Variants in ZBED3 observed in about 807,000 individuals in gnomAD.
ZBED3 encodes zinc finger BED domain-containing protein 3.
For missense variants in ZBED3, 388 were observed against 362.9 expected, an observed-to-expected ratio of 1.07 and a Z score of -0.56; for synonymous variants, 175 against 180.0, an observed-to-expected ratio of 0.97 and a Z score of 0.22.
Position 77,076,977 on chromosome 5 carries a change from T to G in ZBED3, c.*197A>C. On this transcript the variant is annotated 3_prime_UTR_variant, in exon 3 of 3. Transcript: ENST00000255198. ...CCCCCGGTGACCCCATGGAAGTGAG[T>G]TTTGGTTCTGCTCTGGCTTCGAAGT... is the stretch of plus-strand genomic sequence containing the variant. 3 of 404,694 alleles carry G rather than the reference T, an allele frequency of 7.4e-6. No homozygotes were observed. Among genetic ancestry groups the G allele is most frequent in the East Asian group, 3.9e-5 (1 of 25,676 alleles). The allele number at this position is 404,694 out of a possible 1,614,324, so 25.1% of individuals were successfully genotyped here. A position where few individuals can be genotyped will look rare whatever the true frequency, so the allele number is the denominator to read the frequency against.
In ZBED3 at chr5:77,075,311, G is replaced by GA. The variant is rs1742953927; in HGVS notation, c.*1862dup. The GA allele has an allele frequency of 6.6e-6, 1 of 152,214 alleles. No individual in the cohort carries two copies. The allele number at this position is 152,214 out of a possible 1,614,324, so 9.4% of individuals were successfully genotyped here. On this transcript the variant is annotated 3_prime_UTR_variant, in exon 3 of 3. Coordinates refer to ENST00000255198, the MANE Select transcript of ZBED3 (RefSeq NM_032367.4). ...AAATATGTTGGGGTTGTTGTAGACTGAAAGTGACTAGAGTTGAAACCAAAA... is the reference window on the plus strand; with the variant it reads ...AAATATGTTGGGGTTGTTGTAGACTGAAAAGTGACTAGAGTTGAAACCAAAA...
In ZBED3 at chr5:77,073,834, G is replaced by A. The variant is rs1742925946; in HGVS notation, c.*3340C>T. The A allele has an allele frequency of 6.6e-6, 1 of 152,196 alleles. No individual in the cohort carries two copies. The highest frequency in any genetic ancestry group is 1.5e-5 in the Non-Finnish European group (1 of 68,038). 9.4% of individuals were successfully genotyped at this position (152,196 alleles called of 1,614,324 possible). A position where few individuals can be genotyped will look rare whatever the true frequency, so the allele number is the denominator to read the frequency against. ...GGAATGCAAGGCACTGTAGGAGTAG[G>A]GTGAGTATACTCCCCACAAGGGCTC... On this transcript the variant is annotated 3_prime_UTR_variant, in exon 3 of 3. Transcript: ENST00000255198.
rs1473478034 is a variant in ZBED3 at position 77,073,720 on chromosome 5, G to A, written c.*3454C>T. 1 of 152,134 alleles carries A rather than the reference G, an allele frequency of 6.6e-6. No homozygotes were observed. Among genetic ancestry groups the A allele is most frequent in the African/African-American group, 2.4e-5 (1 of 41,430 alleles). The allele number at this position is 152,134 out of a possible 1,614,324, so 9.4% of individuals were successfully genotyped here. ...TATTTGTTGTTGTGAATTTTACTCA[G>A]AATTAAAGATAAATGATTAGTAATT... On this transcript the variant is annotated 3_prime_UTR_variant, in exon 3 of 3. Transcript: ENST00000255198.
chr5:77,085,519 T>C (rs1242891589), intron 1 of ZBED3, among the ~76,000 whole-genome samples: 1 of 152,244 alleles, frequency 6.6e-6, no homozygotes, highest in African/African-American at 2.4e-5. Context: ...AATCAATATA[T>C]GTTGGTTGAG....
Position 77,077,528 on chromosome 5 carries a change from C to T in ZBED3, c.351G>A (p.Pro117=). ...GSSPPAAPCP[P]PPGPAAAPEG... ...CGGGGGCCGCAGCGGGGCCGGGCGG[C>T]GGCGGGCAGGGCGCGGCAGGTGGGG... is the stretch of plus-strand genomic sequence containing the variant. The change falls in exon 3 of 3, where the codon CCG becomes CCA. Residue 117 remains proline, a synonymous_variant. Coordinates refer to ENST00000255198, the MANE Select transcript of ZBED3 (RefSeq NM_032367.4). 1 of 1,208,836 alleles carries T rather than the reference C, an allele frequency of 8.3e-7. No homozygotes were observed. The highest frequency in any genetic ancestry group is 1.0e-6 in the Non-Finnish European group (1 of 976,154). The allele number at this position is 1,208,836 out of a possible 1,614,324, so 74.9% of individuals were successfully genotyped here. A position where few individuals can be genotyped will look rare whatever the true frequency, so the allele number is the denominator to read the frequency against.
Position 77,077,746 on chromosome 5 carries a change from A to G in ZBED3, c.133T>C (p.Tyr45His), listed in dbSNP as rs1455256601. The G allele has an allele frequency of 5.3e-6, 7 of 1,331,046 alleles. No homozygotes were observed. In the Admixed American group the frequency reaches 2.2e-4, roughly 42 times the overall value. 82.5% of individuals were successfully genotyped at this position (1,331,046 alleles called of 1,614,324 possible). ...TGGAAGTAGCCCCAGGCCTCGGAGT[A>G]TGGCGCCCCCAGGCGGCCGGGAGGC... ...PTPPGRLGAP[Y>H]SEAWGYFHLA... is the part of the protein sequence containing the mutation. The change falls in exon 3 of 3, where the codon TAC (tyrosine) becomes CAC (histidine). Residue 45 changes from tyrosine (Y) to histidine (H), a missense_variant. Tyr to His is a moderately conservative substitution (Grantham distance 83). Transcript: ENST00000255198.
At chr5:77,084,551 GT>G (rs1397203197) in intron 1 of ZBED3, among the ~76,000 whole-genome samples, 9 of 152,178 alleles carry the variant, frequency 5.9e-5, no homozygotes, top group Non-Finnish European at 1.2e-4. Context: ...AAATTGCCCA[GT>G]CTTGGGTATG....
rs1350712707 is a variant in ZBED3, at chr5:77,072,381, T to TGGTAGATG, written c.*4792_*4793insCATCTACC. 2 of 152,198 alleles carry TGGTAGATG rather than the reference T, an allele frequency of 1.3e-5. No individual in the cohort carries two copies. The highest frequency in any genetic ancestry group is 2.9e-5 in the Non-Finnish European group (2 of 68,036). The allele number at this position is 152,198 out of a possible 1,614,324, so 9.4% of individuals were successfully genotyped here. ...TGTTAATCTGGTTAATCATCTACCA[T>TGGTAGATG]ATTCACCAGACTGAATAATTGGCAG... is the stretch of plus-strand genomic sequence containing the variant. On this transcript the variant is annotated 3_prime_UTR_variant, in exon 3 of 3. Coordinates refer to ENST00000255198, the MANE Select transcript of ZBED3 (RefSeq NM_032367.4).
chr5:77,073,816 A>AGCTGTAGGAGT lies in ZBED3; in HGVS notation c.*3357_*3358insACTCCTACAGC, dbSNP rs1742925456. On this transcript the variant is annotated 3_prime_UTR_variant, in exon 3 of 3. Transcript: ENST00000255198. ...AATGTACTGAGCAGCTACGGAATGC[A>AGCTGTAGGAGT]AGGCACTGTAGGAGTAGGGTGAGTA... is the stretch of plus-strand genomic sequence containing the variant. The AGCTGTAGGAGT allele has an allele frequency of 6.6e-6, 1 of 152,236 alleles. No homozygotes were observed. The highest frequency in any genetic ancestry group is 1.5e-5 in the Non-Finnish European group (1 of 68,050). The allele number at this position is 152,236 out of a possible 1,614,324, so 9.4% of individuals were successfully genotyped here. A position where few individuals can be genotyped will look rare whatever the true frequency, so the allele number is the denominator to read the frequency against.
intron 1 of ZBED3, among the ~76,000 whole-genome samples, chr5:77,084,220 AC>A (rs953079837): frequency 5.3e-5 from 8 of 152,204 alleles, no homozygotes; most frequent in African/African-American, 1.9e-4. Flanking sequence ...TAATTCTGAT[AC>A]CTGTGTGATA....
chr5:77,081,105 T>C lies in ZBED3; in HGVS notation c.-152-2377A>G, dbSNP rs1220963518. 2.6e-5 allele frequency among the ~76,000 whole-genome samples: 4 copies of C among 152,070 alleles called. No homozygotes were observed. The East Asian group carries it at 7.7e-4, about 29-fold the overall frequency. On this transcript the variant is annotated intron_variant, in intron 1 of 2. Coordinates refer to ENST00000255198, the MANE Select transcript of ZBED3 (RefSeq NM_032367.4). Reference sequence around the variant, plus strand: ...GAGAAATATGAGTAGGCAAATGACCTAACAGCTCCACTGGCCAGGAAATTT... The same window carrying C: ...GAGAAATATGAGTAGGCAAATGACCCAACAGCTCCACTGGCCAGGAAATTT...
In ZBED3 at chr5:77,073,882, A is replaced by AT. The variant is rs1742927131; in HGVS notation, c.*3291dup. 4 of 152,356 alleles carry AT rather than the reference A, an allele frequency of 2.6e-5. No individual in the cohort carries two copies. In the South Asian group the frequency reaches 8.3e-4, roughly 32 times the overall value. The allele number at this position is 152,356 out of a possible 1,614,324, so 9.4% of individuals were successfully genotyped here. A position where few individuals can be genotyped will look rare whatever the true frequency, so the allele number is the denominator to read the frequency against. ...CTCAGGGTCAGGCAGGGGAGGTGAG[A>AT]TAAAAACCCACAGCCATACACTAGC... is the stretch of plus-strand genomic sequence containing the variant. On this transcript the variant is annotated 3_prime_UTR_variant, in exon 3 of 3. Transcript: ENST00000255198.
intron 2 of ZBED3, among the ~76,000 whole-genome samples, chr5:77,078,348 C>G (rs939931027): frequency 1.7e-4 from 26 of 152,214 alleles, no homozygotes; most frequent in African/African-American, 5.1e-4. Flanking sequence ...CACACTTGAG[C>G]AATGACCAGA....
rs1480805447 is a variant in ZBED3, at chr5:77,075,201, G to A, written c.*1973C>T. 1 of 152,204 alleles carries A rather than the reference G, an allele frequency of 6.6e-6. No individual in the cohort carries two copies. Among genetic ancestry groups the A allele is most frequent in the Non-Finnish European group, 1.5e-5 (1 of 68,052 alleles). 9.4% of individuals were successfully genotyped at this position (152,204 alleles called of 1,614,324 possible). A position where few individuals can be genotyped will look rare whatever the true frequency, so the allele number is the denominator to read the frequency against. On this transcript the variant is annotated 3_prime_UTR_variant, in exon 3 of 3. Coordinates refer to ENST00000255198, the MANE Select transcript of ZBED3 (RefSeq NM_032367.4). ...GAGCCACGAGTGGAGTGTAGACATA[G>A]GCCTAAGGAAGCAATCAGACACTTC...
intron 1 of ZBED3, among the ~76,000 whole-genome samples, chr5:77,080,740 G>A (rs1479355553): frequency 1.3e-5 from 2 of 152,248 alleles, no homozygotes; most frequent in African/African-American, 4.8e-5. Flanking sequence ...ATTGAGCAAT[G>A]AGAACACGTG....
Position 77,077,611 on chromosome 5 carries a change from A to C in ZBED3, c.268T>G (p.Trp90Gly). The C allele has an allele frequency of 2.1e-6, 3 of 1,405,106 alleles. No homozygotes were observed. The highest frequency in any genetic ancestry group is 2.8e-6 in the Non-Finnish European group (3 of 1,078,658). 87.0% of individuals were successfully genotyped at this position (1,405,106 alleles called of 1,614,324 possible). A position where few individuals can be genotyped will look rare whatever the true frequency, so the allele number is the denominator to read the frequency against. The change falls in exon 3 of 3, where the codon TGG (tryptophan) becomes GGG (glycine). Residue 90 changes from tryptophan to glycine, a missense_variant. Transcript: ENST00000255198. ...CGGTGCGCGCTCCTCAGGTGCCTCCACAACGCCGAGGTCCCCGCGTGGAAG... is the reference window on the plus strand; with the variant it reads ...CGGTGCGCGCTCCTCAGGTGCCTCCCCAACGCCGAGGTCCCCGCGTGGAAG... ...PGFHAGTSAL[W>G]RHLRSAHRRE...
chr5:77,077,306 C>CGCCTCCCGCTCGGCCTGCAGT lies in ZBED3; in HGVS notation c.552_572dup (p.Glu188_Ala194dup), dbSNP rs1743031548. The CGCCTCCCGCTCGGCCTGCAGT allele has an allele frequency of 7.5e-7, 1 of 1,329,138 alleles. No individual in the cohort carries two copies. Among genetic ancestry groups the CGCCTCCCGCTCGGCCTGCAGT allele is most frequent in the African/African-American group, 1.5e-5 (1 of 65,162 alleles). The allele number at this position is 1,329,138 out of a possible 1,614,324, so 82.3% of individuals were successfully genotyped here. ...TCACATCCCGCAGCCGCGCCTGCAG[C>CGCCTCCCGCTCGGCCTGCAGT]GCCTCCCGCTCGGCCTGCAGTTCCC... On this transcript the variant is annotated inframe_insertion, in exon 3 of 3. Transcript: ENST00000255198.
At chr5:77,086,979 C>CGGCCCGG in intron 1 of ZBED3, 132 bp downstream of exon 1, 1 of 152,254 alleles carries the variant, frequency 6.6e-6, no homozygotes, top group Admixed American at 6.5e-5. Flanking sequence ...CGGAGAAGGG[C>CGGCCCGG]AGCCCAGCGA....
chr5:77,077,243 C>T lies in ZBED3; in HGVS notation c.636G>A (p.Ala212=), dbSNP rs116388996. ...REGALGWAPA[A]PPPLKDDPEG... is the part of the protein sequence containing the mutation. ...CGGGGTCGTCCTTGAGCGGCGGCGG[C>T]GCAGCGGGGGCCCAGCCCAGGGCGC... Residue 212 remains alanine (A), a synonymous_variant, in exon 3 of 3, where the codon GCG becomes GCA. Coordinates refer to ENST00000255198, the MANE Select transcript of ZBED3 (RefSeq NM_032367.4). 3.5e-3 allele frequency: 5,137 copies of T among 1,476,634 alleles called. 136 individuals are homozygous for T. In the African/African-American group the frequency reaches 0.066, roughly 19 times the overall value. 91.5% of individuals were successfully genotyped at this position (1,476,634 alleles called of 1,614,324 possible). A position where few individuals can be genotyped will look rare whatever the true frequency, so the allele number is the denominator to read the frequency against.
Sources: gnomAD v4.1 joint callset for allele counts (sites outside exome capture counted in the v4.1 genomes callset) on GRCh38, gnomAD v4.1.1 for gene constraint, MANE v1.5 for transcripts, NCBI Gene and HGNC (gene_info 2026-07-23, HGNC 2026-07-21) for gene names.